Variants in DCLK1 observed in about 807,000 individuals in gnomAD.
DCLK1 encodes serine/threonine-protein kinase DCLK1.
In DCLK1, 16 loss-of-function variants were observed where a neutral mutation model predicts 86.2. The ratio of observed to expected loss-of-function variants is 0.19; its 90% CI spans 0.13 to 0.28. The LOEUF (loss-of-function observed/expected upper bound fraction) is 0.28, where lower values mean the gene tolerates loss of function less well. DCLK1 is among the 10% of genes least tolerant of loss of function. The probability of loss-of-function intolerance (pLI) is 1.00; values close to 1 mark genes in which losing one functional copy is unlikely to be tolerated. For synonymous variants in DCLK1, 369 were observed against 370.5 expected (o/e 1.00, Z 0.05); for missense variants, 590 against 940.2 (o/e 0.63, Z 4.87).
chr13:35,909,180 G>A (rs1377771101), intron 4 of DCLK1, among the ~76,000 whole-genome samples: 1 of 152,156 alleles, frequency 6.6e-6, no homozygotes, highest in Non-Finnish European at 1.5e-5. Context: ...AAAAAGAAAT[G>A]AGGTGGCTGT....
chr13:35,958,027 C>CTACCACTACTAT (rs1566620227), intron 3 of DCLK1, among the ~76,000 whole-genome samples: 1 of 101,154 alleles, frequency 9.9e-6, no homozygotes, highest in African/African-American at 4.6e-5. Flanking sequence ...TCACACACCA[C>CTACCACTACTAT]AACTACCACC....
intron 3 of DCLK1, among the ~76,000 whole-genome samples, chr13:36,108,469 A>C (rs1243390928): frequency 6.6e-6 from 1 of 152,198 alleles, no homozygotes; most frequent in East Asian, 1.9e-4. Flanking sequence ...CAACTGAGCA[A>C]GGAGTGGTGG....
chr13:35,995,452 C>A (rs374859402), intron 3 of DCLK1, among the ~76,000 whole-genome samples: 1 of 152,158 alleles, frequency 6.6e-6, no homozygotes, highest in Non-Finnish European at 1.5e-5. Flanking sequence ...ACAAGGAAAC[C>A]AATCTGGTAG....
intron 2 of DCLK1, among the ~76,000 whole-genome samples, chr13:36,118,268 T>A (rs112112556): frequency 0.012 from 1,834 of 152,052 alleles, 36 homozygotes; most frequent in African/African-American, 0.042. Context: ...ACCTAGAAAG[T>A]CATCACAGCC....
chr13:35,886,137 G>A (rs1873223403), intron 4 of DCLK1, among the ~76,000 whole-genome samples: 1 of 150,400 alleles, frequency 6.6e-6, no homozygotes, highest in Admixed American at 6.7e-5. Flanking sequence ...TCAGCCTCCT[G>A]AGTAGCTGGG....
intron 3 of DCLK1, among the ~76,000 whole-genome samples, chr13:36,079,023 A>G (rs909616973): frequency 6.6e-6 from 1 of 152,174 alleles, no homozygotes; most frequent in South Asian, 2.1e-4. Flanking sequence ...TGAGCAGGAC[A>G]TGGCATCAAA....
rs372092398 is a variant in DCLK1, at chr13:35,969,260, G to C, written c.724-21803C>G. Among the ~76,000 whole-genome samples the C allele has an allele frequency of 6.3e-4, 96 of 152,278 alleles. 2 individuals carry two copies. The Middle Eastern group carries it at 0.014, about 22-fold the overall frequency. On this transcript the variant is annotated intron_variant, in intron 3 of 16. Coordinates refer to ENST00000360631, the MANE Select transcript of DCLK1 (RefSeq NM_001330071.2). ...CCTAACCCCCAGTACCTGCAGATGT[G>C]ACCTTATTTGGAAAAAGTTAAGGAT...
chr13:36,089,950 T>A (rs550409531), intron 3 of DCLK1, among the ~76,000 whole-genome samples: 8 of 152,314 alleles, frequency 5.3e-5, no homozygotes. Context: ...AATCCAGATG[T>A]GCGTTTGCAA....
intron 15 of DCLK1, among the ~76,000 whole-genome samples, chr13:35,800,717 TTTTG>T (rs560431937): frequency 1.6e-4 from 25 of 152,048 alleles, no homozygotes; most frequent in African/African-American, 5.5e-4. Context: ...CTTTCTTTCT[TTTTG>T]TTTGTTTGTT....
intron 16 of DCLK1, among the ~76,000 whole-genome samples, chr13:35,781,088 G>A (rs2086516810): frequency 6.6e-6 from 1 of 152,162 alleles, no homozygotes; most frequent in Non-Finnish European, 1.5e-5. Context: ...CATCTGGTAT[G>A]TCTAACGTTA....
intron 4 of DCLK1, among the ~76,000 whole-genome samples, chr13:35,878,457 T>C (rs1031896551): frequency 6.6e-6 from 1 of 151,934 alleles, no homozygotes; most frequent in Admixed American, 6.6e-5. Flanking sequence ...ACGCAGCACG[T>C]CTGGAATAAA....
intron 3 of DCLK1, among the ~76,000 whole-genome samples, chr13:36,089,394 C>T (rs554580908): frequency 6.6e-6 from 1 of 152,320 alleles, no homozygotes; most frequent in East Asian, 1.9e-4. Context: ...GTGCTTTGTG[C>T]AGTTAATATA....
chr13:36,066,702 A>G (rs565832406), intron 3 of DCLK1, among the ~76,000 whole-genome samples: 1 of 129,854 alleles, frequency 7.7e-6, no homozygotes. Flanking sequence ...AACTCAAACA[A>G]ATTTACAAGA....
intron 5 of DCLK1, among the ~76,000 whole-genome samples, chr13:35,867,028 C>T (rs1871845127): frequency 6.6e-6 from 1 of 152,144 alleles, no homozygotes; most frequent in South Asian, 2.1e-4. Flanking sequence ...ATTCCTTAAC[C>T]TCTGGGCCCG....
intron 3 of DCLK1, among the ~76,000 whole-genome samples, chr13:35,989,138 A>G (rs915822575): frequency 3.9e-5 from 6 of 152,138 alleles, no homozygotes; most frequent in Non-Finnish European, 5.9e-5. Flanking sequence ...CACCTACCGC[A>G]TGCTCTGCTT....
intron 3 of DCLK1, among the ~76,000 whole-genome samples, chr13:35,973,742 C>T (rs572088801): frequency 2.9e-4 from 44 of 152,206 alleles, no homozygotes; most frequent in African/African-American, 7.7e-4. Flanking sequence ...CAGGCAGGGT[C>T]AAGGAACGGG....
rs910719500 is a variant in DCLK1 at position 35,773,869 on chromosome 13, T to G, written c.*666A>C. 1 of 152,232 alleles carries G rather than the reference T, an allele frequency of 6.6e-6. No homozygotes were observed. The highest frequency in any genetic ancestry group is 2.4e-5 in the African/African-American group (1 of 41,322). The allele number at this position is 152,232 out of a possible 1,614,324, so 9.4% of individuals were successfully genotyped here. A position where few individuals can be genotyped will look rare whatever the true frequency, so the allele number is the denominator to read the frequency against. On this transcript the variant is annotated 3_prime_UTR_variant, in exon 17 of 17. Transcript: ENST00000360631. Reference sequence around the variant, plus strand: ...GACAATTTGGGGGGCACCATCTATTTCCTGGGTCAAGCTCTTTGCCACAAA... The same window carrying G: ...GACAATTTGGGGGGCACCATCTATTGCCTGGGTCAAGCTCTTTGCCACAAA...
At chr13:36,032,397 G>T (rs1882319155) in intron 3 of DCLK1, among the ~76,000 whole-genome samples, 1 of 152,106 alleles carries the variant, frequency 6.6e-6, no homozygotes, top group African/African-American at 2.4e-5. Flanking sequence ...ACCCACCTTG[G>T]CCTCCCAAAG....
intron 3 of DCLK1, among the ~76,000 whole-genome samples, chr13:36,030,924 C>G (rs1882243886): frequency 6.6e-6 from 1 of 152,112 alleles, no homozygotes; most frequent in Non-Finnish European, 1.5e-5. Context: ...TTTCAGACCT[C>G]TGCGTCTTGG....
Sources: allele counts gnomAD v4.1 joint callset (sites outside exome capture counted in the v4.1 genomes callset), GRCh38; gene constraint gnomAD v4.1.1; transcripts MANE v1.5; gene names NCBI Gene and HGNC (gene_info 2026-07-23, HGNC 2026-07-21).